The following DLG2 variants were observed in gnomAD, a reference collection of about 807,000 sequenced individuals.
DLG2 encodes the protein disks large homolog 2.
In DLG2, 45 loss-of-function variants were observed where a neutral mutation model predicts 132.5. That is an observed-to-expected ratio of 0.34 (90% CI 0.27 to 0.44). The LOEUF is 0.44. Ranked by LOEUF, DLG2 falls within the 20% of genes least tolerant of loss-of-function variation. The probability of loss-of-function intolerance (pLI) is 1.00; values close to 1 mark genes in which losing one functional copy is unlikely to be tolerated. For missense variants in DLG2, 1,045 were observed against 1,196.9 expected (o/e 0.87, Z 1.87); for synonymous variants, 424 against 419.6 (o/e 1.01, Z -0.13).
At chr11:83,993,535 T>C (rs1344135086) in intron 11 of DLG2, among the ~76,000 whole-genome samples, 2 of 152,128 alleles carry the variant, frequency 1.3e-5, no homozygotes, top group African/African-American at 2.4e-5. Flanking sequence ...ATTGACCAAA[T>C]TGTTTTCATC....
rs867968736 is a variant in DLG2, at chr11:84,502,278, C to T, written c.519+32292G>A. Among the ~76,000 whole-genome samples, 296 of 53,706 alleles carry T rather than the reference C, an allele frequency of 5.5e-3. 74 individuals carry two copies. The highest frequency in any genetic ancestry group is 0.037 in the African/African-American group (163 of 4,348). The allele number at this position is 53,706 out of a possible 152,430, so 35.2% of individuals were successfully genotyped here. A position where few individuals can be genotyped will look rare whatever the true frequency, so the allele number is the denominator to read the frequency against. On this transcript the variant is annotated intron_variant, in intron 7 of 27. Transcript: ENST00000376104. ...TCCTTCCTTCCTTCCTTCCTTCCTT[C>T]CTTCTTTCTTTCTTTCTTTCTTTCT... is the stretch of plus-strand genomic sequence containing the variant.
rs187301819 is a variant in DLG2, at chr11:84,704,118, C to T, written c.358-169387G>A. Among the ~76,000 whole-genome samples the T allele has an allele frequency of 5.0e-4, 76 of 151,206 alleles. 1 individual carries two copies. The highest frequency in any genetic ancestry group is 1.8e-3 in the African/African-American group (74 of 41,332). ...ATATGCCACTAGTCTTTTCATTTTGCACTTGAAGACAAGTCTTCAGGAAGT... is the reference window on the plus strand; with the variant it reads ...ATATGCCACTAGTCTTTTCATTTTGTACTTGAAGACAAGTCTTCAGGAAGT... On this transcript the variant is annotated intron_variant, in intron 6 of 27. Coordinates refer to ENST00000376104, the MANE Select transcript of DLG2 (RefSeq NM_001142699.3).
At position 85,366,254 on chromosome 11, in the gene DLG2, C is replaced by G. The variant is rs1327518054; in HGVS notation, c.41-80889G>C. Among the ~76,000 whole-genome samples the G allele has an allele frequency of 3.3e-5, 5 of 152,252 alleles. No homozygotes were observed. The East Asian group carries it at 9.7e-4, about 29-fold the overall frequency. Reference sequence around the variant, plus strand: ...GAAATAACATAGCTTTTCACCTTATCTTTACAAACACCAGTTTCATCACTG... The same window carrying G: ...GAAATAACATAGCTTTTCACCTTATGTTTACAAACACCAGTTTCATCACTG... On this transcript the variant is annotated intron_variant, in intron 3 of 27. Coordinates refer to ENST00000376104, the MANE Select transcript of DLG2 (RefSeq NM_001142699.3).
intron 3 of DLG2, among the ~76,000 whole-genome samples, chr11:85,363,913 T>C (rs1010732234): frequency 6.6e-6 from 1 of 152,208 alleles, no homozygotes; most frequent in African/African-American, 2.4e-5. Flanking sequence ...ATTTCTCATA[T>C]GGTTTGCAGG....
intron 6 of DLG2, among the ~76,000 whole-genome samples, chr11:84,541,665 A>G (rs1473892469): frequency 6.6e-6 from 1 of 152,158 alleles, no homozygotes; most frequent in Non-Finnish European, 1.5e-5. Context: ...CAACCGACAA[A>G]TGACACATAA....
chr11:84,700,794 G>A (rs776612892), intron 6 of DLG2, among the ~76,000 whole-genome samples: 2 of 151,444 alleles, frequency 1.3e-5, no homozygotes, highest in Admixed American at 6.6e-5. Flanking sequence ...GACACACAAC[G>A]TAACTTGAAC....
intron 3 of DLG2, among the ~76,000 whole-genome samples, chr11:85,530,484 C>A (rs1003840045): frequency 1.3e-5 from 2 of 151,800 alleles, no homozygotes; most frequent in African/African-American, 4.8e-5. Context: ...CCACGCCCAG[C>A]TAATTTTTTT....
chr11:84,620,028 A>G (rs984026653), intron 6 of DLG2, among the ~76,000 whole-genome samples: 3 of 151,676 alleles, frequency 2.0e-5, no homozygotes, highest in Admixed American at 2.0e-4. Context: ...AATTTGATCT[A>G]GTAGACCCAT....
At chr11:83,883,364 T>C (rs890572198) in intron 15 of DLG2, among the ~76,000 whole-genome samples, 2 of 152,224 alleles carry the variant, frequency 1.3e-5, no homozygotes, top group African/African-American at 2.4e-5. Context: ...TTTCTGAAGT[T>C]CTATTTCATT....
intron 3 of DLG2, among the ~76,000 whole-genome samples, chr11:85,582,196 C>T (rs2153229011): frequency 6.6e-6 from 1 of 152,218 alleles, no homozygotes; most frequent in South Asian, 2.1e-4. Context: ...GACATGAAGA[C>T]TTACGGTAGC....
intron 3 of DLG2, among the ~76,000 whole-genome samples, chr11:85,548,558 G>C (rs2076470671): frequency 6.6e-6 from 1 of 152,206 alleles, no homozygotes; most frequent in Non-Finnish European, 1.5e-5. Context: ...TGCCAGGCAG[G>C]GATGTTTAAG....
chr11:84,393,776 A>G (rs1373888520), intron 7 of DLG2, among the ~76,000 whole-genome samples: 1 of 152,204 alleles, frequency 6.6e-6, no homozygotes, highest in Non-Finnish European at 1.5e-5. Flanking sequence ...CCTTGAAATT[A>G]TAACGTTTAC....
intron 7 of DLG2, among the ~76,000 whole-genome samples, chr11:84,350,977 A>G (rs1440372198): frequency 6.6e-6 from 1 of 152,146 alleles, no homozygotes; most frequent in Non-Finnish European, 1.5e-5. Flanking sequence ...TTAGAGAGTC[A>G]TGGTTTGGCA....
intron 3 of DLG2, among the ~76,000 whole-genome samples, chr11:85,444,179 T>C (rs1222904662): frequency 6.6e-6 from 1 of 152,142 alleles, no homozygotes; most frequent in Non-Finnish European, 1.5e-5. Flanking sequence ...AAAAAAATGC[T>C]ACCAAAATCA....
intron 15 of DLG2, among the ~76,000 whole-genome samples, chr11:83,888,837 G>C (rs1446987908): frequency 6.6e-6 from 1 of 152,148 alleles, no homozygotes; most frequent in African/African-American, 2.4e-5. Flanking sequence ...ACAAACCTGA[G>C]AAAAACAAGC....
At chr11:84,802,111 CA>C (rs535950740) in intron 6 of DLG2, among the ~76,000 whole-genome samples, 200 of 129,892 alleles carry the variant, frequency 1.5e-3, no homozygotes, top group Non-Finnish European at 1.4e-3. Context: ...AAAAAAAAAG[CA>C]AAAAAAAAAA....
At chr11:84,736,701 C>T (rs914625851) in intron 6 of DLG2, among the ~76,000 whole-genome samples, 7 of 151,842 alleles carry the variant, frequency 4.6e-5, no homozygotes, top group South Asian at 2.1e-4. Context: ...GTTGTTAGTA[C>T]GTAGAAATAC....
At chr11:85,592,662 A>G (rs780430150) in intron 3 of DLG2, among the ~76,000 whole-genome samples, 1 of 152,200 alleles carries the variant, frequency 6.6e-6, no homozygotes, top group Non-Finnish European at 1.5e-5. Context: ...TAGATATTCT[A>G]TTGTAAGGCT....
intron 10 of DLG2, among the ~76,000 whole-genome samples, chr11:84,078,340 A>C (rs1259049972): frequency 6.6e-6 from 1 of 152,186 alleles, no homozygotes; most frequent in Non-Finnish European, 1.5e-5. Context: ...TACTTTAATA[A>C]TCTATCAGTT....
Sources: allele counts gnomAD v4.1 joint callset (sites outside exome capture counted in the v4.1 genomes callset), GRCh38; gene constraint gnomAD v4.1.1; transcripts MANE v1.5; gene names NCBI Gene and HGNC (gene_info 2026-07-23, HGNC 2026-07-21).